Variants in IKZF3 observed in about 807,000 individuals in gnomAD.
IKZF3 encodes the protein zinc finger protein Aiolos.
Under a neutral mutation model 49.0 loss-of-function variants are expected in IKZF3, and 10 were observed. The observed-to-expected ratio is 0.20, with a 90% CI of 0.13 to 0.35. The LOEUF (loss-of-function observed/expected upper bound fraction) is 0.35, where lower values mean the gene tolerates loss of function less well. IKZF3 is among the 10% of genes least tolerant of loss of function. IKZF3 has a pLI of 1.00. For missense variants in IKZF3, 498 were observed against 664.8 expected (o/e 0.75, Z 2.76); for synonymous variants, 209 against 228.2 (o/e 0.92, Z 0.76).
intron 7 of IKZF3, among the ~76,000 whole-genome samples, chr17:39,771,009 C>A (rs2060426066): frequency 6.6e-6 from 1 of 152,148 alleles, no homozygotes; most frequent in Non-Finnish European, 1.5e-5. Flanking sequence ...GAATTATCAT[C>A]TCTTAGATGA....
At chr17:39,798,047 C>T (rs1391358648) in intron 3 of IKZF3, among the ~76,000 whole-genome samples, 1 of 152,068 alleles carries the variant, frequency 6.6e-6, no homozygotes, top group African/African-American at 2.4e-5. Flanking sequence ...TGATTGGGCC[C>T]CACATTCAAT....
chr17:39,855,227 G>C (rs553453308), intron 1 of IKZF3, among the ~76,000 whole-genome samples: 1 of 151,832 alleles, frequency 6.6e-6, no homozygotes, highest in Admixed American at 6.6e-5. Context: ...TGGTATAAAC[G>C]GTGTCCTGTT....
chr17:39,824,105 A>G (rs764283190), intron 3 of IKZF3, among the ~76,000 whole-genome samples: 2 of 152,244 alleles, frequency 1.3e-5, no homozygotes, highest in Non-Finnish European at 2.9e-5. Context: ...CTGCAAAGCC[A>G]CAGGGGCGGA....
intron 1 of IKZF3, among the ~76,000 whole-genome samples, chr17:39,851,464 C>T (rs2144524551): frequency 6.6e-6 from 1 of 152,170 alleles, no homozygotes; most frequent in South Asian, 2.1e-4. Context: ...TGTGGTATAT[C>T]CATACTATTC....
In IKZF3 at chr17:39,858,465, G is replaced by A. The variant is rs1004473360; in HGVS notation, c.7+5655C>T. Reference sequence around the variant, plus strand: ...ATTTTAAGTACTGACAATAAGTAAAGAGTAATGCACTTTGTTTCATATCCA... The same window carrying A: ...ATTTTAAGTACTGACAATAAGTAAAAAGTAATGCACTTTGTTTCATATCCA... On this transcript the variant is annotated intron_variant, in intron 1 of 7. Coordinates refer to ENST00000346872, the MANE Select transcript of IKZF3 (RefSeq NM_012481.5). 2.6e-5 allele frequency among the ~76,000 whole-genome samples: 4 copies of A among 152,084 alleles called. No homozygotes were observed. The East Asian group carries it at 5.8e-4, about 22-fold the overall frequency.
chr17:39,848,754 A>G (rs1380644444), intron 1 of IKZF3, among the ~76,000 whole-genome samples: 1 of 152,130 alleles, frequency 6.6e-6, no homozygotes, highest in Non-Finnish European at 1.5e-5. Flanking sequence ...GACGTAGCTC[A>G]CTGCAGCCCG....
rs1033204523 is a variant in IKZF3, at chr17:39,820,610, C to CTTTGT, written c.163+8772_163+8776dup. ...CCTAAGTGATAGGAGTATTGTTTTG[C>CTTTGT]TTTGTTTTGTTTTGTTTTGTTTTTC... On this transcript the variant is annotated intron_variant, in intron 3 of 7. Coordinates refer to ENST00000346872, the MANE Select transcript of IKZF3 (RefSeq NM_012481.5). Among the ~76,000 whole-genome samples the CTTTGT allele has an allele frequency of 2.0e-3, 298 of 152,190 alleles. 1 individual carries two copies. The highest frequency in any genetic ancestry group is 6.5e-3 in the African/African-American group (270 of 41,504).
intron 1 of IKZF3, among the ~76,000 whole-genome samples, chr17:39,850,667 TGTATATGTATATATACA>T (rs2062819968): frequency 3.5e-3 from 2 of 576 alleles, no homozygotes; most frequent in South Asian, 0.062. Flanking sequence ...ATACTATATA[TGTATATGTATATATACA>T]CATATTATAT....
At chr17:39,791,857 T>C (rs189902154) in intron 4 of IKZF3, among the ~76,000 whole-genome samples, 2 of 151,786 alleles carry the variant, frequency 1.3e-5, no homozygotes, top group Admixed American at 1.3e-4. Context: ...TAGATCTAAG[T>C]TTTTATATTA....
At chr17:39,851,174 C>T (rs1030366780) in intron 1 of IKZF3, among the ~76,000 whole-genome samples, 2 of 151,328 alleles carry the variant, frequency 1.3e-5, no homozygotes, top group Admixed American at 1.3e-4. Flanking sequence ...TACAGGAGCA[C>T]ATGACTAGGC....
At chr17:39,837,025 G>A (rs543230847) in intron 1 of IKZF3, among the ~76,000 whole-genome samples, 1 of 152,034 alleles carries the variant, frequency 6.6e-6, no homozygotes, top group South Asian at 2.1e-4. Context: ...TCGACCTCCT[G>A]GGCTCAAGCA....
At chr17:39,849,864 G>A (rs1382238804) in intron 1 of IKZF3, among the ~76,000 whole-genome samples, 2 of 151,518 alleles carry the variant, frequency 1.3e-5, no homozygotes, top group Admixed American at 6.6e-5. Context: ...ACTGATAATA[G>A]CAAGTGTTAA....
At chr17:39,819,603 G>A (rs112743130) in intron 3 of IKZF3, among the ~76,000 whole-genome samples, 1 of 152,134 alleles carries the variant, frequency 6.6e-6, no homozygotes. Context: ...AATCTCAGAA[G>A]TTTTAGACAA....
chr17:39,768,350 T>C (rs1454627422), intron 7 of IKZF3, among the ~76,000 whole-genome samples: 1 of 152,000 alleles, frequency 6.6e-6, no homozygotes, highest in Non-Finnish European at 1.5e-5. Context: ...GACATCCTAG[T>C]TGAGGGGGAG....
Position 39,759,036 on chromosome 17 carries a change from A to G in IKZF3, c.*6754T>C, listed in dbSNP as rs1247939713. Reference sequence around the variant, plus strand: ...TAGATATTGTTATATCCTTACAAAAATTTAATACACCCATTAACATTCCTA... The same window carrying G: ...TAGATATTGTTATATCCTTACAAAAGTTTAATACACCCATTAACATTCCTA... On this transcript the variant is annotated 3_prime_UTR_variant, in exon 8 of 8. Transcript: ENST00000346872. 1 of 151,856 alleles carries G rather than the reference A, an allele frequency of 6.6e-6. No individual in the cohort carries two copies. The highest frequency in any genetic ancestry group is 2.4e-5 in the African/African-American group (1 of 41,292). 9.4% of individuals were successfully genotyped at this position (151,856 alleles called of 1,614,324 possible).
At position 39,763,458 on chromosome 17, in the gene IKZF3, G is replaced by GC. The variant is rs1178363160; in HGVS notation, c.*2331dup. ...AGGCTCCATGAAGTTGTCCCTGGAA[G>GC]CAGAATTTATTTTCCCTAACATAAT... On this transcript the variant is annotated 3_prime_UTR_variant, in exon 8 of 8. Transcript: ENST00000346872. The GC allele has an allele frequency of 2.0e-5, 3 of 152,106 alleles. No individual in the cohort carries two copies. Among genetic ancestry groups the GC allele is most frequent in the African/African-American group, 7.2e-5 (3 of 41,484 alleles). The allele number at this position is 152,106 out of a possible 1,614,324, so 9.4% of individuals were successfully genotyped here.
intron 1 of IKZF3, chr17:39,835,078 C>G (rs181497345): frequency 7.0e-6 from 3 of 429,518 alleles, no homozygotes; most frequent in East Asian, 1.3e-4. Flanking sequence ...GAGCCCCCGC[C>G]AGAGCCAAAG....
chr17:39,798,102 C>G (rs935529403), intron 3 of IKZF3, among the ~76,000 whole-genome samples: 1 of 152,110 alleles, frequency 6.6e-6, no homozygotes, highest in African/African-American at 2.4e-5. Flanking sequence ...ATCTGTTTCT[C>G]CACTCCTGTA....
At chr17:39,863,022 A>G (rs2063257449) in intron 1 of IKZF3, among the ~76,000 whole-genome samples, 1 of 152,196 alleles carries the variant, frequency 6.6e-6, no homozygotes, top group Admixed American at 6.5e-5. Context: ...AAACAAATTA[A>G]TCATTTGTAA....
Sources: allele counts gnomAD v4.1 joint callset (sites outside exome capture counted in the v4.1 genomes callset), GRCh38; gene constraint gnomAD v4.1.1; transcripts MANE v1.5; gene names NCBI Gene and HGNC (gene_info 2026-07-23, HGNC 2026-07-21).